The following RAB7A variants were observed in gnomAD, a reference collection of about 807,000 sequenced individuals.
The protein encoded by RAB7A is ras-related protein Rab-7a.
RAB7A carries 2 observed loss-of-function variants against 24.5 expected under a neutral mutation model. The ratio of observed to expected loss-of-function variants is 0.08; its 90% CI spans 0.03 to 0.26. RAB7A has a LOEUF of 0.26. RAB7A is among the 10% of genes least tolerant of loss of function. RAB7A has a pLI of 1.00. For missense variants in RAB7A, 118 were observed against 255.7 expected (o/e 0.46, Z 3.67); for synonymous variants, 100 against 95.9 (o/e 1.04, Z -0.25).
rs71153148 is a variant in RAB7A at position 128,799,246 on chromosome 3, CT to C, written c.180+1190del. 1.6e-3 allele frequency: 226 copies of C among 145,418 alleles called. 2 individuals carry two copies. The highest frequency in any genetic ancestry group is 0.012 in the East Asian group (59 of 5,016). The allele number at this position is 145,418 out of a possible 1,614,324, so 9.0% of individuals were successfully genotyped here. A position where few individuals can be genotyped will look rare whatever the true frequency, so the allele number is the denominator to read the frequency against. On this transcript the variant is annotated intron_variant, in intron 3 of 5. Transcript: ENST00000265062. ...AGATGGTGGAAATAGCTGTTACTCA[CT>C]TTTTTTTTTTTTGTCTCGTTCCAGT...
At position 128,777,239 on chromosome 3, in the gene RAB7A, G is replaced by A. The variant is rs189678420; in HGVS notation, c.-8-18121G>A. ...CAGGGTCTCACTCTGTCACCCAGCC[G>A]CTGGAGTACAGTTATATGATCACTG... On this transcript the variant is annotated intron_variant, in intron 1 of 5. Transcript: ENST00000265062. 1.6e-4 allele frequency among the ~76,000 whole-genome samples: 24 copies of A among 151,640 alleles called. No individual in the cohort carries two copies. In the South Asian group the frequency reaches 2.9e-3, roughly 19 times the overall value.
chr3:128,747,107 C>T (rs1233654964), intron 1 of RAB7A, among the ~76,000 whole-genome samples: 1 of 149,082 alleles, frequency 6.7e-6, no homozygotes, highest in Non-Finnish European at 1.5e-5. Flanking sequence ...GGAGTTTAAT[C>T]AGCCTGAGCA....
chr3:128,760,287 C>G (rs905939616), intron 1 of RAB7A, among the ~76,000 whole-genome samples: 4 of 152,168 alleles, frequency 2.6e-5, no homozygotes, highest in Non-Finnish European at 4.4e-5. Context: ...GAGCTTAACT[C>G]TGTCAGCTCT....
intron 1 of RAB7A, among the ~76,000 whole-genome samples, chr3:128,728,274 GTAGTAACCCAA>G (rs1308135720): frequency 1.3e-5 from 2 of 152,168 alleles, no homozygotes; most frequent in African/African-American, 4.8e-5. Flanking sequence ...TGGTGAATCA[GTAGTAACCCAA>G]AGGATGGTGT....
At chr3:128,737,835 T>G (rs1358141885) in intron 1 of RAB7A, among the ~76,000 whole-genome samples, 2 of 75,604 alleles carry the variant, frequency 2.6e-5, no homozygotes, top group African/African-American at 1.1e-4. Flanking sequence ...GTTTTTTTTT[T>G]TTTTTTTTTT....
At chr3:128,785,037 C>T (rs1033755964) in intron 1 of RAB7A, 1 of 151,882 alleles carries the variant, frequency 6.6e-6, no homozygotes, top group East Asian at 1.9e-4. Flanking sequence ...CTTCTACCCC[C>T]CAGGTTCTAG....
intron 1 of RAB7A, among the ~76,000 whole-genome samples, chr3:128,768,525 A>C (rs558656793): frequency 1.3e-5 from 2 of 152,208 alleles, no homozygotes; most frequent in East Asian, 3.9e-4. Context: ...ATACATCATA[A>C]AATTTGCCTA....
intron 1 of RAB7A, among the ~76,000 whole-genome samples, chr3:128,737,851 T>TTTC (rs1559779079): frequency 8.6e-6 from 1 of 116,830 alleles, no homozygotes; most frequent in Non-Finnish European, 1.8e-5. Context: ...TTTTTTTTTT[T>TTTC]TTTTTTAAGA....
chr3:128,809,467 G>A (rs375525918), intron 5 of RAB7A, among the ~76,000 whole-genome samples: 10 of 152,268 alleles, frequency 6.6e-5, no homozygotes, highest in East Asian at 3.9e-4. Flanking sequence ...GCACACAGCC[G>A]GCACACAGCA....
chr3:128,774,468 T>C (rs2107602468), intron 1 of RAB7A, among the ~76,000 whole-genome samples: 1 of 152,158 alleles, frequency 6.6e-6, no homozygotes, highest in South Asian at 2.1e-4. Context: ...GATCTTTTTT[T>C]TTTTTCTCCC....
chr3:128,799,822 C>T (rs1332603113), intron 3 of RAB7A, among the ~76,000 whole-genome samples: 1 of 152,098 alleles, frequency 6.6e-6, no homozygotes, highest in African/African-American at 2.4e-5. Context: ...AACATAAATC[C>T]CTGTCATTCC....
At chr3:128,737,122 C>T (rs2070497097) in intron 1 of RAB7A, among the ~76,000 whole-genome samples, 1 of 151,840 alleles carries the variant, frequency 6.6e-6, no homozygotes, top group African/African-American at 2.4e-5. Context: ...ACTGCAAGCT[C>T]CACCTTCCGG....
chr3:128,754,140 A>T (rs560543034), intron 1 of RAB7A, among the ~76,000 whole-genome samples: 2 of 152,284 alleles, frequency 1.3e-5, no homozygotes, highest in South Asian at 4.1e-4. Context: ...ATAAAGGTAA[A>T]TACATGAAAA....
intron 3 of RAB7A, among the ~76,000 whole-genome samples, chr3:128,804,158 C>T (rs1274886143): frequency 6.7e-6 from 1 of 150,130 alleles, no homozygotes; most frequent in Non-Finnish European, 1.5e-5. Flanking sequence ...TCAACTTCAA[C>T]TTATAGTTAC....
In RAB7A at chr3:128,772,908, C is replaced by G. The variant is rs555345675; in HGVS notation, c.-8-22452C>G. ...CACTCAGTGCTCAGTGTTGCCCAGG[C>G]TGGAGTGCAGTGGCGTGATCTCGGC... On this transcript the variant is annotated intron_variant, in intron 1 of 5. Coordinates refer to ENST00000265062, the MANE Select transcript of RAB7A (RefSeq NM_004637.6). Among the ~76,000 whole-genome samples, 7 of 152,366 alleles carry G rather than the reference C, an allele frequency of 4.6e-5. No homozygotes were observed. In the East Asian group the frequency reaches 1.3e-3, roughly 29 times the overall value.
chr3:128,759,743 C>G (rs1400774525), intron 1 of RAB7A, among the ~76,000 whole-genome samples: 2 of 151,632 alleles, frequency 1.3e-5, no homozygotes, highest in Non-Finnish European at 2.9e-5. Context: ...GAGTTTCGCT[C>G]TTGTTACCCA....
chr3:128,799,286 G>A (rs1355603073), intron 3 of RAB7A: 3 of 150,134 alleles, frequency 2.0e-5, no homozygotes, highest in Non-Finnish European at 4.4e-5. Flanking sequence ...TCCGAATCAT[G>A]TGCTGCTCTT....
intron 1 of RAB7A, among the ~76,000 whole-genome samples, chr3:128,775,358 C>A (rs928461824): frequency 2.0e-5 from 3 of 152,180 alleles, no homozygotes; most frequent in Admixed American, 6.5e-5. Context: ...TAGTCTCCAC[C>A]CTTCCTCCAC....
chr3:128,738,113 G>T (rs2070510843), intron 1 of RAB7A, among the ~76,000 whole-genome samples: 1 of 151,958 alleles, frequency 6.6e-6, no homozygotes, highest in South Asian at 2.1e-4. Flanking sequence ...GCTCACTGCA[G>T]CCTTGACCTC....
Sources: allele counts gnomAD v4.1 joint callset (sites outside exome capture counted in the v4.1 genomes callset), GRCh38; gene constraint gnomAD v4.1.1; transcripts MANE v1.5; gene names NCBI Gene and HGNC (gene_info 2026-07-23, HGNC 2026-07-21).